The following DNAAF2 variants were observed in gnomAD, a reference collection of about 807,000 sequenced individuals.
DNAAF2 encodes the protein dynein axonemal assembly factor 2.
Under a neutral mutation model 48.8 loss-of-function variants are expected in DNAAF2, and 58 were observed. The ratio of observed to expected loss-of-function variants is 1.19; its 90% confidence interval spans 0.96 to 1.48. The LOEUF is 1.48. Among genes scored for constraint, DNAAF2 ranks in the 40% most tolerant of loss-of-function variants. DNAAF2 has a pLI of 0.00. For synonymous variants in DNAAF2, 567 were observed against 481.2 expected (o/e 1.18, Z -2.33); for missense variants, 1,241 against 1,116.1 (o/e 1.11, Z -1.59).
chr14:49,633,973 T>A lies in DNAAF2; in HGVS notation c.1177A>T (p.Ser393Cys), dbSNP rs1043513299. The change falls in exon 1 of 3, where the codon AGT becomes TGT. Residue 393 changes from serine (S) to cysteine (C), a missense_variant. Transcript: ENST00000298292. Reference sequence around the variant, plus strand: ...TCGTGGCCTCCGTCCTCCGCGCGACTCCTCGCGGGTCCCGCCTCCCCCTCG... The same window carrying A: ...TCGTGGCCTCCGTCCTCCGCGCGACACCTCGCGGGTCCCGCCTCCCCCTCG... ...AREGEAGPAR[S>C]RAEDGGHDTC... The A allele has an allele frequency of 6.6e-7, 1 of 1,525,484 alleles. No individual in the cohort carries two copies. The highest frequency in any genetic ancestry group is 1.4e-5 in the African/African-American group (1 of 72,378). The allele number at this position is 1,525,484 out of a possible 1,614,324, so 94.5% of individuals were successfully genotyped here. A position where few individuals can be genotyped will look rare whatever the true frequency, so the allele number is the denominator to read the frequency against.
chr14:49,631,065 T>G (rs1283806670), intron 1 of DNAAF2, among the ~76,000 whole-genome samples: 1 of 152,108 alleles, frequency 6.6e-6, no homozygotes, highest in Non-Finnish European at 1.5e-5. Context: ...TTTTCTTCCA[T>G]TAAACAGTAT....
chr14:49,634,865 G>A lies in DNAAF2; in HGVS notation c.285C>T (p.Asn95=). 1 of 1,547,628 alleles carries A rather than the reference G, an allele frequency of 6.5e-7. No homozygotes were observed. The highest frequency in any genetic ancestry group is 8.7e-7 in the Non-Finnish European group (1 of 1,145,848). Residue 95 remains asparagine, a synonymous_variant, in exon 1 of 3, where the codon AAC becomes AAT. Coordinates refer to ENST00000298292, the MANE Select transcript of DNAAF2 (RefSeq NM_018139.3). ...GGCTGCTGGGCGCGCCCACCAACGC[G>A]TTGCTGCAGACATTCACAAAGCAGC... ...ARRCFVNVCS[N]ALVGAPSSRP...
rs1883232234 is a variant in DNAAF2 at position 49,633,707 on chromosome 14, C to T, written c.1443G>A (p.Ala481=). The change falls in exon 1 of 3, where the codon GCG becomes GCA. Residue 481 remains alanine, a synonymous_variant. Coordinates refer to ENST00000298292, the MANE Select transcript of DNAAF2 (RefSeq NM_018139.3). ...SSRSLAWGSS[A]GRESARGDSS... ...TATCTCCGCGCGCACTCTCTCTTCC[C>T]GCAGAAGAACCCCACGCCAGGCTCC... 9 of 1,600,742 alleles carry T rather than the reference C, an allele frequency of 5.6e-6. No homozygotes were observed. In the South Asian group the frequency reaches 1.0e-4, roughly 18 times the overall value.
Position 49,634,238 on chromosome 14 carries a change from T to C in DNAAF2, c.912A>G (p.Arg304=). 6.2e-7 allele frequency: 1 copy of C among 1,612,356 alleles called. No individual in the cohort carries two copies. The highest frequency in any genetic ancestry group is 1.7e-5 in the Admixed American group (1 of 60,010). The change falls in exon 1 of 3, where the codon AGA becomes AGG. Residue 304 remains arginine, a synonymous_variant. Coordinates refer to ENST00000298292, the MANE Select transcript of DNAAF2 (RefSeq NM_018139.3). ...TCCTCGAGTCGAGGCACAGCAGCTT[T>C]CTCGTTACCTCCAGCGCCGCCTGCT... ...SAEQAALEVT[R]KLLCLDSRKP... is the part of the protein sequence containing the mutation.
chr14:49,634,837 G>A lies in DNAAF2; in HGVS notation c.313C>T (p.Pro105Ser), dbSNP rs1319822736. 1 of 1,545,260 alleles carries A rather than the reference G, an allele frequency of 6.5e-7. No homozygotes were observed. The highest frequency in any genetic ancestry group is 2.4e-5 in the East Asian group (1 of 40,972). ...GCGCCCCGGTCGCCACCGGAGCCGG[G>A]CCGGCTGCTGGGCGCGCCCACCAAC... ...NALVGAPSSR[P>S]GSGGDRGAAP... The change falls in exon 1 of 3, where the codon CCC becomes TCC. Residue 105 changes from proline to serine, a missense_variant. Pro to Ser is a moderately conservative substitution (Grantham distance 74, BLOSUM62 -1). Transcript: ENST00000298292.
chr14:49,634,798 G>A lies in DNAAF2; in HGVS notation c.352C>T (p.His118Tyr). Residue 118 changes from histidine (H) to tyrosine (Y), a missense_variant, in exon 1 of 3, where the codon CAC (histidine) becomes TAC (tyrosine). His to Tyr is a moderately conservative substitution (Grantham distance 83, BLOSUM62 2). Transcript: ENST00000298292. Reference sequence around the variant, plus strand: ...GCCAGGCTGTAGGGCAGGGACCAGTGGCTGCCAGGAGCTGCGCCCCGGTCG... The same window carrying A: ...GCCAGGCTGTAGGGCAGGGACCAGTAGCTGCCAGGAGCTGCGCCCCGGTCG... ...GGDRGAAPGS[H>Y]WSLPYSLAPG... 6.4e-7 allele frequency: 1 copy of A among 1,564,542 alleles called. No individual in the cohort carries two copies. The highest frequency in any genetic ancestry group is 1.4e-5 in the African/African-American group (1 of 73,948).
intron 1 of DNAAF2, among the ~76,000 whole-genome samples, chr14:49,631,630 A>C (rs1437890284): frequency 2.0e-5 from 3 of 152,178 alleles, no homozygotes; most frequent in Non-Finnish European, 1.5e-5. Context: ...CTCAAAAAAC[A>C]ACCAGAAGAT....
Position 49,634,225 on chromosome 14 carries a change from G to C in DNAAF2, c.925C>G (p.Leu309Val). 1 of 1,612,386 alleles carries C rather than the reference G, an allele frequency of 6.2e-7. No homozygotes were observed. The highest frequency in any genetic ancestry group is 8.5e-7 in the Non-Finnish European group (1 of 1,179,782). ...CGGTAGTCAGGTTTCCTCGAGTCGA[G>C]GCACAGCAGCTTTCTCGTTACCTCC... is the stretch of plus-strand genomic sequence containing the variant. ...ALEVTRKLLC[L>V]DSRKPDYRLR... The change falls in exon 1 of 3, where the codon CTC (leucine) becomes GTC (valine). Residue 309 changes from leucine to valine, a missense_variant. Transcript: ENST00000298292.
At chr14:49,629,882 TAGAG>T (rs1883107914) in intron 1 of DNAAF2, 1 of 152,014 alleles carries the variant, frequency 6.6e-6, no homozygotes, top group South Asian at 2.1e-4. Flanking sequence ...AAGAATGAAG[TAGAG>T]AGCATATATT....
chr14:49,634,470 G>T lies in DNAAF2; in HGVS notation c.680C>A (p.Pro227His). 2 of 1,578,126 alleles carry T rather than the reference G, an allele frequency of 1.3e-6. No homozygotes were observed. Among genetic ancestry groups the T allele is most frequent in the Non-Finnish European group, 8.6e-7 (1 of 1,168,022 alleles). Reference sequence around the variant, plus strand: ...CCCGGGGGCTGCCGGGTACTGGTAAGGGTAGGGGAAGTCCGGGAGAGGACC... The same window carrying T: ...CCCGGGGGCTGCCGGGTACTGGTAATGGTAGGGGAAGTCCGGGAGAGGACC... ...PKGPLPDFPY[P>H]YQYPAAPGPR... The change falls in exon 1 of 3, where the codon CCT becomes CAT. Residue 227 changes from proline (P) to histidine (H), a missense_variant. By Grantham distance (77) the Pro-to-His change is moderately conservative (BLOSUM62 -2). Coordinates refer to ENST00000298292, the MANE Select transcript of DNAAF2 (RefSeq NM_018139.3).
At position 49,625,799 on chromosome 14, in the gene DNAAF2, C is replaced by G; in HGVS notation, c.2257G>C (p.Glu753Gln). Residue 753 changes from glutamate (E) to glutamine (Q), a missense_variant, in exon 3 of 3, where the codon GAA becomes CAA. Transcript: ENST00000298292. ...GTAGCACTTTTTTCTTTTATAAATT[C>G]AGATTGCATTTTTGACTCAGGTTGC... is the stretch of plus-strand genomic sequence containing the variant. ...SQQPESKMQS[E>Q]FIKEKSATCS... The G allele has an allele frequency of 1.9e-6, 3 of 1,607,768 alleles. No homozygotes were observed. The highest frequency in any genetic ancestry group is 2.5e-6 in the Non-Finnish European group (3 of 1,178,032).
At position 49,634,851 on chromosome 14, in the gene DNAAF2, G is replaced by C. The variant is rs1246371500; in HGVS notation, c.299C>G (p.Ala100Gly). 5 of 1,545,934 alleles carry C rather than the reference G, an allele frequency of 3.2e-6. No homozygotes were observed. The Admixed American group carries it at 9.8e-5, about 30-fold the overall frequency. Reference protein sequence around the residue: ...VNVCSNALVGAPSSRPGSGGD... With the variant: ...VNVCSNALVGGPSSRPGSGGD... ...ACCGGAGCCGGGCCGGCTGCTGGGC[G>C]CGCCCACCAACGCGTTGCTGCAGAC... The change falls in exon 1 of 3, where the codon GCG (alanine) becomes GGG (glycine). Residue 100 changes from alanine to glycine, a missense_variant. By Grantham distance (60) the Ala-to-Gly change is moderately conservative. Transcript: ENST00000298292.
intron 2 of DNAAF2, among the ~76,000 whole-genome samples, chr14:49,626,693 AG>A (rs1883016591): frequency 6.7e-6 from 1 of 149,316 alleles, no homozygotes; most frequent in African/African-American, 2.5e-5. Flanking sequence ...TAGTAGACAC[AG>A]GGTTTCACCA....
In DNAAF2 at chr14:49,625,844, T is replaced by C. The variant is rs727502965; in HGVS notation, c.2212A>G (p.Met738Val). The change falls in exon 3 of 3, where the codon ATG (methionine) becomes GTG (valine). Residue 738 changes from methionine to valine, a missense_variant. Transcript: ENST00000298292. ...FQQESLDVSQ[M>V]ILGKSQQPES... ...GGTTGCTGAGATTTTCCAAGTATCATTTGAGAAACATCAAGAGACTCTTGT... is the reference window on the plus strand; with the variant it reads ...GGTTGCTGAGATTTTCCAAGTATCACTTGAGAAACATCAAGAGACTCTTGT... 2.6e-5 allele frequency: 42 copies of C among 1,609,978 alleles called. No homozygotes were observed. Among genetic ancestry groups the C allele is most frequent in the Non-Finnish European group, 3.6e-5 (42 of 1,178,886 alleles).
chr14:49,634,482 T>C lies in DNAAF2; in HGVS notation c.668A>G (p.Asp223Gly), dbSNP rs1371877589. Residue 223 changes from aspartate to glycine, a missense_variant, in exon 1 of 3, where the codon GAC becomes GGC. Transcript: ENST00000298292. ...PDGEPKGPLP[D>G]FPYPYQYPAA... Reference sequence around the variant, plus strand: ...CGGGTACTGGTAAGGGTAGGGGAAGTCCGGGAGAGGACCCTTCGGCTCCCC... The same window carrying C: ...CGGGTACTGGTAAGGGTAGGGGAAGCCCGGGAGAGGACCCTTCGGCTCCCC... The C allele has an allele frequency of 4.4e-6, 7 of 1,584,166 alleles. No individual in the cohort carries two copies. Among genetic ancestry groups the C allele is most frequent in the Admixed American group, 3.5e-5 (2 of 56,916 alleles).
chr14:49,633,587 C>G lies in DNAAF2; in HGVS notation c.1563G>C (p.Leu521Phe). The change falls in exon 1 of 3, where the codon TTG (leucine) becomes TTC (phenylalanine). Residue 521 changes from leucine to phenylalanine, a missense_variant. Physicochemically the swap from Leu to Phe is conservative, Grantham distance 22. Coordinates refer to ENST00000298292, the MANE Select transcript of DNAAF2 (RefSeq NM_018139.3). ...CCTGATTACACAGTAACGGAGGACA[C>G]AAAGGCTCCCCGCTCTTGGTCCCGG... The part of the protein sequence containing the change: ...GGPGTKSGEP[L>F]CPPLLCNQDK... 6.2e-7 allele frequency: 1 copy of G among 1,613,946 alleles called. No homozygotes were observed. Among genetic ancestry groups the G allele is most frequent in the Admixed American group, 1.7e-5 (1 of 60,026 alleles).
rs1401045306 is a variant in DNAAF2, at chr14:49,634,020, C to A, written c.1130G>T (p.Gly377Val). Residue 377 changes from glycine (G) to valine (V), a missense_variant, in exon 1 of 3, where the codon GGC becomes GTC. Gly to Val is a moderately radical substitution (Grantham distance 109). Transcript: ENST00000298292. Reference protein sequence around the residue: ...EESADRSGTDGQACASAREGE... With the variant: ...EESADRSGTDVQACASAREGE... ...CTCGCGAGCGGAAGCGCAGGCCTGG[C>A]CGTCAGTTCCGGACCGGTCCGCGGA... 3 of 1,522,408 alleles carry A rather than the reference C, an allele frequency of 2.0e-6. No homozygotes were observed. Among genetic ancestry groups the A allele is most frequent in the African/African-American group, 2.8e-5 (2 of 72,074 alleles). The allele number at this position is 1,522,408 out of a possible 1,614,324, so 94.3% of individuals were successfully genotyped here. A position where few individuals can be genotyped will look rare whatever the true frequency, so the allele number is the denominator to read the frequency against.
intron 1 of DNAAF2, among the ~76,000 whole-genome samples, chr14:49,630,508 T>C (rs57119148): frequency 0.61 from 92,701 of 151,846 alleles, 31,199 homozygotes; most frequent in Non-Finnish European, 0.76. Flanking sequence ...AATTTTGTAA[T>C]TACAAAATAA....
At chr14:49,630,944 T>G (rs1883145349) in intron 1 of DNAAF2, among the ~76,000 whole-genome samples, 1 of 152,030 alleles carries the variant, frequency 6.6e-6, no homozygotes, top group African/African-American at 2.4e-5. Flanking sequence ...AGAGACAGGG[T>G]TTCACCTTGT....
Sources: gnomAD v4.1 joint callset for allele counts (sites outside exome capture counted in the v4.1 genomes callset) on GRCh38, gnomAD v4.1.1 for gene constraint, MANE v1.5 for transcripts, NCBI Gene and HGNC (gene_info 2026-07-23, HGNC 2026-07-21) for gene names.